SCAI: variants seen among roughly 807,000 people sequenced by gnomAD.
The protein encoded by SCAI is protein SCAI.
In SCAI, 24 loss-of-function variants were observed where a neutral mutation model predicts 92.2. The ratio of observed to expected loss-of-function variants is 0.26; its 90% CI spans 0.19 to 0.37. The LOEUF is 0.37. SCAI is among the 10% of genes least tolerant of loss of function. The pLI is 1.00. For missense variants in SCAI, 450 were observed against 736.2 expected (o/e 0.61, Z 4.50); for synonymous variants, 261 against 258.6 (o/e 1.01, Z -0.09).
chr9:125,018,718 T>C, intron 9 of SCAI, 81 bp downstream of exon 9: 2 of 1,230,872 alleles, frequency 1.6e-6, no homozygotes, highest in African/African-American at 3.0e-5. Context: ...TTAGGATATT[T>C]ATAAGAAAAT....
Position 124,988,788 on chromosome 9 carries a change from G to A in SCAI, c.1326+6146C>T, listed in dbSNP as rs979403914. 2.6e-5 allele frequency among the ~76,000 whole-genome samples: 4 copies of A among 152,216 alleles called. No homozygotes were observed. In the East Asian group the frequency reaches 7.7e-4, roughly 29 times the overall value. On this transcript the variant is annotated intron_variant, in intron 14 of 17. Transcript: ENST00000336505. ...AATAAATGGACTAACTCTAGAAAAT[G>A]AGCAGTTTCCAGACTGAAATAATTC... is the stretch of plus-strand genomic sequence containing the variant.
At chr9:125,097,334 G>A (rs1834579855) in intron 2 of SCAI, among the ~76,000 whole-genome samples, 1 of 152,124 alleles carries the variant, frequency 6.6e-6, no homozygotes, top group African/African-American at 2.4e-5. Flanking sequence ...TCAGGAGGCT[G>A]AGACAGGAGA....
At chr9:125,094,597 G>C (rs1216477522) in intron 2 of SCAI, among the ~76,000 whole-genome samples, 4 of 152,172 alleles carry the variant, frequency 2.6e-5, no homozygotes, top group African/African-American at 9.6e-5. Flanking sequence ...GACCTCCTGG[G>C]CTCAAGTGAC....
At chr9:125,045,514 A>G (rs1198705797) in intron 3 of SCAI, among the ~76,000 whole-genome samples, 3 of 151,784 alleles carry the variant, frequency 2.0e-5, no homozygotes. Flanking sequence ...TATATTTTTT[A>G]TTTTGTAGAC....
chr9:125,088,941 A>T (rs1407275386), intron 2 of SCAI, among the ~76,000 whole-genome samples: 1 of 152,118 alleles, frequency 6.6e-6, no homozygotes, highest in Non-Finnish European at 1.5e-5. Context: ...TACGCACTAG[A>T]TGCCAGTTGC....
Position 125,020,661 on chromosome 9 carries a change from A to C in SCAI, c.609+12T>G. 1 of 1,158,276 alleles carries C rather than the reference A, an allele frequency of 8.6e-7. No individual in the cohort carries two copies. The highest frequency in any genetic ancestry group is 1.6e-5 in the African/African-American group (1 of 63,520). 71.7% of individuals were successfully genotyped at this position (1,158,276 alleles called of 1,614,324 possible). ...TAGAGATTAGAATTTGAACTATTTAAAGTGTATTTACCTTTACCAGATCCT... is the reference window on the plus strand; with the variant it reads ...TAGAGATTAGAATTTGAACTATTTACAGTGTATTTACCTTTACCAGATCCT... On this transcript the variant is annotated intron_variant, in intron 7 of 17. Coordinates refer to ENST00000336505, the MANE Select transcript of SCAI (RefSeq NM_001144877.3).
chr9:125,051,757 C>T (rs1833565036), intron 3 of SCAI, among the ~76,000 whole-genome samples: 1 of 152,060 alleles, frequency 6.6e-6, no homozygotes. Context: ...ACTAACATTC[C>T]ACTCCATACA....
Position 125,003,454 on chromosome 9 carries a change from A to G in SCAI, c.963+15T>C, listed in dbSNP as rs1239292539. On this transcript the variant is annotated intron_variant, in intron 10 of 17. Transcript: ENST00000336505. ...AGAGGGTTACCAAACTTGCAAATGTAAAAGAGGAGATTACCTGCATTCCTG... is the reference window on the plus strand; with the variant it reads ...AGAGGGTTACCAAACTTGCAAATGTGAAAGAGGAGATTACCTGCATTCCTG... 4 of 1,563,476 alleles carry G rather than the reference A, an allele frequency of 2.6e-6. No homozygotes were observed. The highest frequency in any genetic ancestry group is 2.7e-5 in the African/African-American group (2 of 73,888).
chr9:125,124,188 A>G (rs1278038261), intron 2 of SCAI, among the ~76,000 whole-genome samples: 1 of 152,220 alleles, frequency 6.6e-6, no homozygotes, highest in Non-Finnish European at 1.5e-5. Flanking sequence ...AGACAAAAGT[A>G]AGGCAATAAA....
At chr9:125,095,685 T>C (rs566028008) in intron 2 of SCAI, among the ~76,000 whole-genome samples, 2 of 152,368 alleles carry the variant, frequency 1.3e-5, no homozygotes, top group African/African-American at 4.8e-5. Context: ...GAGGAATTAA[T>C]GTGCTCTCTT....
intron 17 of SCAI, among the ~76,000 whole-genome samples, chr9:124,959,907 T>C (rs1831406463): frequency 6.6e-6 from 1 of 152,176 alleles, no homozygotes; most frequent in Non-Finnish European, 1.5e-5. Flanking sequence ...GGTGTATATG[T>C]GCCACATTTG....
chr9:125,097,250 T>C (rs987240684), intron 2 of SCAI, among the ~76,000 whole-genome samples: 1 of 152,134 alleles, frequency 6.6e-6, no homozygotes, highest in South Asian at 2.1e-4. Context: ...CTGGCCAACA[T>C]GGTGAAACCC....
chr9:125,050,146 G>T (rs1833530755), intron 3 of SCAI, among the ~76,000 whole-genome samples: 1 of 151,514 alleles, frequency 6.6e-6, no homozygotes, highest in Non-Finnish European at 1.5e-5. Flanking sequence ...ATTAAAAACT[G>T]ACACTATTCC....
At chr9:125,071,395 C>T (rs1386978183) in intron 2 of SCAI, among the ~76,000 whole-genome samples, 2 of 151,534 alleles carry the variant, frequency 1.3e-5, no homozygotes, top group African/African-American at 2.4e-5. Flanking sequence ...GAGACTCTAA[C>T]TCAAAGAAAA....
At chr9:125,022,618 A>G (rs1832892345) in intron 6 of SCAI, among the ~76,000 whole-genome samples, 1 of 152,006 alleles carries the variant, frequency 6.6e-6, no homozygotes, top group South Asian at 2.1e-4. Flanking sequence ...GGGTCTTGCT[A>G]CGTTTCCCAG....
rs148806199 is a variant in SCAI at position 125,102,256 on chromosome 9, C to A, written c.98+40377G>T. 4.4e-4 allele frequency among the ~76,000 whole-genome samples: 67 copies of A among 152,234 alleles called. 2 individuals are homozygous for A. The East Asian group carries it at 0.012, about 28-fold the overall frequency. Reference sequence around the variant, plus strand: ...GGAAAATAATGATATTCCTTTTTCCCAAGTCTACTTTTATTTATTTAGCAG... The same window carrying A: ...GGAAAATAATGATATTCCTTTTTCCAAAGTCTACTTTTATTTATTTAGCAG... On this transcript the variant is annotated intron_variant, in intron 2 of 17. Coordinates refer to ENST00000336505, the MANE Select transcript of SCAI (RefSeq NM_001144877.3).
intron 17 of SCAI, among the ~76,000 whole-genome samples, chr9:124,969,858 AT>A (rs879834515): frequency 6.0e-4 from 90 of 148,882 alleles, no homozygotes; most frequent in African/African-American, 1.7e-3. Flanking sequence ...CAGTAACATC[AT>A]TTTTTTTTTT....
intron 15 of SCAI, among the ~76,000 whole-genome samples, chr9:124,972,997 T>C (rs143482934): frequency 1.6e-4 from 24 of 152,366 alleles, no homozygotes; most frequent in African/African-American, 4.8e-4. Context: ...TCCAAAATGC[T>C]TGGGGCCACA....
chr9:125,031,290 G>C (rs751724500), intron 3 of SCAI, among the ~76,000 whole-genome samples: 1 of 150,322 alleles, frequency 6.7e-6, no homozygotes, highest in Non-Finnish European at 1.5e-5. Flanking sequence ...AGATGGAGTC[G>C]CGCTCTTGCC....
Sources: allele counts gnomAD v4.1 joint callset (sites outside exome capture counted in the v4.1 genomes callset), GRCh38; gene constraint gnomAD v4.1.1; transcripts MANE v1.5; gene names NCBI Gene and HGNC (gene_info 2026-07-23, HGNC 2026-07-21).